Variants in PTPRT observed in about 807,000 individuals in gnomAD.
The protein encoded by PTPRT is protein tyrosine phosphatase receptor type T, also known as receptor-type tyrosine-protein phosphatase T.
PTPRT carries 56 observed loss-of-function variants against 176.8 expected under a neutral mutation model. That is an observed-to-expected ratio of 0.32 (90% CI 0.26 to 0.40). The LOEUF (loss-of-function observed/expected upper bound fraction) is 0.40. Among genes scored for constraint, PTPRT ranks in the 10% least tolerant of loss-of-function variants. The pLI, the probability that PTPRT is intolerant of heterozygous loss-of-function variation, is 1.00. For missense variants in PTPRT, 1,540 were observed against 1,908.2 expected, an observed-to-expected ratio of 0.81 and a Z score of 3.60; for synonymous variants, 783 against 739.0, an observed-to-expected ratio of 1.06 and a Z score of -0.96.
At position 43,189,581 on chromosome 20, in the gene PTPRT, G is replaced by A; in HGVS notation, c.88+65C>T. The A allele has an allele frequency of 2.8e-6, 3 of 1,087,468 alleles. No homozygotes were observed. The highest frequency in any genetic ancestry group is 4.1e-5 in the South Asian group (1 of 24,106). 67.4% of individuals were successfully genotyped at this position (1,087,468 alleles called of 1,614,324 possible). A position where few individuals can be genotyped will look rare whatever the true frequency, so the allele number is the denominator to read the frequency against. Reference sequence around the variant, plus strand: ...AACTTTCTCCTCCGAGGGCCCCGCGGCTGGGGGCCCGCGCGCATCCAGGAG... The same window carrying A: ...AACTTTCTCCTCCGAGGGCCCCGCGACTGGGGGCCCGCGCGCATCCAGGAG... On this transcript the variant is annotated intron_variant, in intron 1 of 30. Coordinates refer to ENST00000373187, the MANE Select transcript of PTPRT (RefSeq NM_007050.6). The surrounding 1 kb of genome is among the most constrained non-coding windows in gnomAD (Gnocchi z 5.0).
chr20:42,297,696 G>A (rs752922216), intron 12 of PTPRT, among the ~76,000 whole-genome samples: 3 of 152,064 alleles, frequency 2.0e-5, no homozygotes, highest in Admixed American at 6.6e-5. Flanking sequence ...GATAGAATAC[G>A]ACATCCAGAA....
chr20:42,818,373 A>C (rs1333258890), intron 2 of PTPRT, among the ~76,000 whole-genome samples: 3 of 151,374 alleles, frequency 2.0e-5, no homozygotes, highest in Non-Finnish European at 4.4e-5. Flanking sequence ...CAAAAAAAAA[A>C]CCCATTCAAG....
intron 2 of PTPRT, among the ~76,000 whole-genome samples, chr20:42,874,935 C>T (rs950735913): frequency 4.6e-5 from 7 of 152,150 alleles, no homozygotes; most frequent in African/African-American, 1.7e-4. Flanking sequence ...GTTGCTCAGG[C>T]TGGAGGGCAA....
intron 6 of PTPRT, among the ~76,000 whole-genome samples, chr20:42,730,748 G>A (rs2076448436): frequency 6.6e-6 from 1 of 152,202 alleles, no homozygotes; most frequent in Non-Finnish European, 1.5e-5. Flanking sequence ...CTTTCTTGGA[G>A]GTGAGAGGAC....
chr20:42,086,483 T>A (rs1983921756), intron 27 of PTPRT, among the ~76,000 whole-genome samples: 1 of 151,850 alleles, frequency 6.6e-6, no homozygotes, highest in South Asian at 2.1e-4. Flanking sequence ...AATATCTACC[T>A]CTAAGCCCCG....
chr20:42,520,841 GTAGATAGA>G (rs57774363), intron 7 of PTPRT, among the ~76,000 whole-genome samples: 7,612 of 143,786 alleles, frequency 0.053, 275 homozygotes, highest in African/African-American at 0.099. Flanking sequence ...GGGTGTGTGT[GTAGATAGA>G]TAGATAGATA....
At chr20:43,183,689 C>T (rs1160601365) in intron 1 of PTPRT, among the ~76,000 whole-genome samples, 1 of 152,240 alleles carries the variant, frequency 6.6e-6, no homozygotes, top group Non-Finnish European at 1.5e-5. Flanking sequence ...CTCAGGCTCG[C>T]TTCCTATAAA....
intron 7 of PTPRT, among the ~76,000 whole-genome samples, chr20:42,522,369 T>G (rs2072191832): frequency 6.6e-6 from 1 of 151,976 alleles, no homozygotes; most frequent in Non-Finnish European, 1.5e-5. Flanking sequence ...TCATATCATT[T>G]TCTTAATGTC....
intron 7 of PTPRT, among the ~76,000 whole-genome samples, chr20:42,483,367 T>C (rs1217801493): frequency 3.9e-5 from 6 of 152,212 alleles, no homozygotes; most frequent in African/African-American, 1.4e-4. Context: ...TTTCACCACA[T>C]TGGCCAGGCT....
chr20:42,567,303 G>A lies in PTPRT; in HGVS notation c.1154-94741C>T, dbSNP rs531748122. Reference sequence around the variant, plus strand: ...CAAAAAAAAATAAAAGAGAGAGAGAGAGAGAGAAAAAAAACGATTTTTAAA... The same window carrying A: ...CAAAAAAAAATAAAAGAGAGAGAGAAAGAGAGAAAAAAAACGATTTTTAAA... On this transcript the variant is annotated intron_variant, in intron 7 of 30. Coordinates refer to ENST00000373187, the MANE Select transcript of PTPRT (RefSeq NM_007050.6). 2.0e-5 allele frequency among the ~76,000 whole-genome samples: 3 copies of A among 149,284 alleles called. No homozygotes were observed. In the East Asian group the frequency reaches 5.8e-4, roughly 29 times the overall value.
At position 43,024,045 on chromosome 20, in the gene PTPRT, G is replaced by A. The variant is rs186447708; in HGVS notation, c.89-138113C>T. Among the ~76,000 whole-genome samples, 20 of 152,248 alleles carry A rather than the reference G, an allele frequency of 1.3e-4. No individual in the cohort carries two copies. In the South Asian group the frequency reaches 3.7e-3, roughly 28 times the overall value. ...CACAGTCTTTGCAGCAGCCCAACAC[G>A]GGGAGCTGGGGAATGAGCACAGTGA... On this transcript the variant is annotated intron_variant, in intron 1 of 30. Transcript: ENST00000373187.
At chr20:42,639,671 C>G (rs533860774) in intron 7 of PTPRT, among the ~76,000 whole-genome samples, 96 of 152,254 alleles carry the variant, frequency 6.3e-4, no homozygotes, top group Non-Finnish European at 9.9e-4. Context: ...CCCACTTTTT[C>G]TCTTCTTGAT....
In PTPRT at chr20:42,103,335, G is replaced by A. The variant is rs75036156; in HGVS notation, c.3541-1038C>T. On this transcript the variant is annotated intron_variant, in intron 25 of 30. Transcript: ENST00000373187. ...GTTTAACATGCATACAAATCACTCA[G>A]AGATCTTGTTAACTTGCAGGCTCTC... Among the ~76,000 whole-genome samples, 497 of 152,344 alleles carry A rather than the reference G, an allele frequency of 3.3e-3. 3 individuals carry two copies. The highest frequency in any genetic ancestry group is 0.022 in the East Asian group (115 of 5,196).
intron 1 of PTPRT, among the ~76,000 whole-genome samples, chr20:43,000,649 G>A (rs1340884759): frequency 6.6e-6 from 1 of 151,994 alleles, no homozygotes; most frequent in Admixed American, 6.6e-5. Context: ...CAAAACTTGA[G>A]ATTATCAAAT....
At chr20:42,332,605 C>T (rs527812630) in intron 11 of PTPRT, among the ~76,000 whole-genome samples, 60 of 152,132 alleles carry the variant, frequency 3.9e-4, no homozygotes, top group African/African-American at 1.3e-3. Flanking sequence ...GAATGACTAA[C>T]GAACTGTGGT....
chr20:42,797,039 C>A (rs906341213), intron 2 of PTPRT, among the ~76,000 whole-genome samples: 4 of 152,176 alleles, frequency 2.6e-5, no homozygotes, highest in African/African-American at 9.7e-5. Flanking sequence ...AAAACAGCTT[C>A]TTTTCTATCT....
At chr20:43,174,629 C>A (rs2146467448) in intron 1 of PTPRT, among the ~76,000 whole-genome samples, 2 of 152,304 alleles carry the variant, frequency 1.3e-5, no homozygotes, top group South Asian at 4.1e-4. Flanking sequence ...GAGCCAAATG[C>A]TCTTCTCCTC....
intron 8 of PTPRT, among the ~76,000 whole-genome samples, chr20:42,450,102 T>C (rs1208805751): frequency 1.3e-5 from 2 of 152,256 alleles, no homozygotes; most frequent in Admixed American, 6.5e-5. Context: ...AGAGGGGGCG[T>C]TGCCCCTTTA....
chr20:43,082,098 G>C (rs2011457892), intron 1 of PTPRT, among the ~76,000 whole-genome samples: 1 of 152,036 alleles, frequency 6.6e-6, no homozygotes, highest in African/African-American at 2.4e-5. Context: ...TATTTTCCTA[G>C]AATGCCATTT....
Sources: gnomAD v4.1 joint callset for allele counts (sites outside exome capture counted in the v4.1 genomes callset) on GRCh38, gnomAD v4.1.1 for gene constraint, Gnocchi (gnomAD v3.1) non-coding constraint, MANE v1.5 for transcripts, NCBI Gene and HGNC (gene_info 2026-07-23, HGNC 2026-07-21) for gene names.